Variants in GPR155 observed in about 807,000 individuals in gnomAD.
GPR155 encodes lysosomal cholesterol signaling protein.
GPR155 carries 65 observed loss-of-function variants against 93.1 expected under a neutral mutation model. The observed-to-expected ratio is 0.70, with a 90% CI of 0.57 to 0.86. The LOEUF (loss-of-function observed/expected upper bound fraction) is 0.86. Ranked by LOEUF, GPR155 falls within the 40% of genes least tolerant of loss-of-function variation. The probability of loss-of-function intolerance (pLI) is 0.00; values close to 1 mark genes in which losing one functional copy is unlikely to be tolerated. For missense variants in GPR155, 838 were observed against 1,034.8 expected (o/e 0.81, Z 2.61); for synonymous variants, 319 against 360.1 (o/e 0.89, Z 1.29).
At chr2:174,440,182 G>C in intron 14 of GPR155, 147 bp from the exon 15 acceptor site, 2 of 605,810 alleles carry the variant, frequency 3.3e-6, no homozygotes, top group South Asian at 4.4e-5. Context: ...GTTAGTCTCA[G>C]AAGCAAAAAC....
rs1022689570 is a variant in GPR155, at chr2:174,433,052, C to T, written c.*3064G>A. ...TGCTGGGATTGCAGGTATGAACCAC[C>T]GCGCCTGGCCCCCATGCAGGTTTTT... On this transcript the variant is annotated 3_prime_UTR_variant, in exon 16 of 16. Coordinates refer to ENST00000392552, the MANE Select transcript of GPR155 (RefSeq NM_152529.7). 3 of 151,296 alleles carry T rather than the reference C, an allele frequency of 2.0e-5. No individual in the cohort carries two copies. The highest frequency in any genetic ancestry group is 2.9e-5 in the Non-Finnish European group (2 of 67,920). 9.4% of individuals were successfully genotyped at this position (151,296 alleles called of 1,614,324 possible).
At position 174,453,662 on chromosome 2, in the gene GPR155, AAAAAAG is replaced by A. The variant is rs1225916892; in HGVS notation, c.1876+69_1876+74del. ...GTGACAGAGCAAGACTCCGTCTCAA[AAAAAAG>A]AAAAAAAAAAAAAAGAATAAGGAAT... is the stretch of plus-strand genomic sequence containing the variant. On this transcript the variant is annotated intron_variant, in intron 11 of 15. Transcript: ENST00000392552. 1.6e-4 allele frequency: 96 copies of A among 612,904 alleles called. 4 individuals carry two copies. Among genetic ancestry groups the A allele is most frequent in the South Asian group, 6.4e-4 (38 of 59,012 alleles). 38.0% of individuals were successfully genotyped at this position (612,904 alleles called of 1,614,324 possible).
rs757370928 is a variant in GPR155, at chr2:174,461,435, G to A, written c.1527C>T (p.Ser509=). 8 of 1,613,202 alleles carry A rather than the reference G, an allele frequency of 5.0e-6. No homozygotes were observed. In the East Asian group the frequency reaches 1.8e-4, roughly 36 times the overall value. Residue 509 remains serine, a synonymous_variant, in exon 9 of 16, where the codon AGC becomes AGT. Transcript: ENST00000392552. ...TTCCATAAAAGAAGGCTGAGTCAAT[G>A]CTATCTCCATTGTGTTTTCCAGTTA... is the stretch of plus-strand genomic sequence containing the variant. ...LLITGKHNGD[S]IDSAFFYGKE... is the part of the protein sequence containing the mutation.
At chr2:174,477,219 A>G (rs903909210) in intron 2 of GPR155, among the ~76,000 whole-genome samples, 1 of 152,032 alleles carries the variant, frequency 6.6e-6, no homozygotes, top group Non-Finnish European at 1.5e-5. Context: ...TTTATAATGT[A>G]CATAATGTTT....
rs764294547 is a variant in GPR155, at chr2:174,436,234, CT to C, written c.2494del (p.Arg832AspfsTer60). Reference sequence around the variant, plus strand: ...CTGTTCAGGACTCTTTTGAAGAAATCTGTAAAACAAGTACTCATCCCGGAAT... The same window carrying C: ...CTGTTCAGGACTCTTTTGAAGAAATCGTAAAACAAGTACTCATCCCGGAAT... ...YEFRDEYLFY[R>X]FLQKSPEQSP... On this transcript the variant is annotated frameshift_variant, in exon 16 of 16. Transcript: ENST00000392552. LOFTEE classifies it high-confidence loss of function. The C allele has an allele frequency of 6.2e-7, 1 of 1,614,016 alleles. No individual in the cohort carries two copies. Among genetic ancestry groups the C allele is most frequent in the South Asian group, 1.1e-5 (1 of 91,080 alleles).
chr2:174,471,463 C>A, intron 3 of GPR155, among the ~76,000 whole-genome samples: 3 of 55,096 alleles, frequency 5.4e-5, no homozygotes, highest in Non-Finnish European at 3.3e-5. Context: ...AGCTCTTCAT[C>A]TTTGTAAAAA....
Position 174,436,416 on chromosome 2 carries a change from C to T in GPR155, c.2313G>A (p.Arg771=). The T allele has an allele frequency of 6.2e-7, 1 of 1,613,402 alleles. No homozygotes were observed. Among genetic ancestry groups the T allele is most frequent in the Non-Finnish European group, 8.5e-7 (1 of 1,179,484 alleles). Residue 771 remains arginine (R), a splice_region_variant and synonymous_variant, in exon 16 of 16, where the codon AGG becomes AGA. Coordinates refer to ENST00000392552, the MANE Select transcript of GPR155 (RefSeq NM_152529.7). ...LCIRNIVKER[R]CGAKTSAGTF... ...TTCCAGCAGAAGTCTTTGCACCACA[C>T]CTGTGTCAAAGGAATGATTCACCCA...
intron 2 of GPR155, among the ~76,000 whole-genome samples, chr2:174,479,496 A>G (rs1394729753): frequency 1.3e-5 from 2 of 152,300 alleles, no homozygotes; most frequent in East Asian, 3.9e-4. Context: ...AAATAATTAA[A>G]TCTCTGTAAG....
At position 174,435,994 on chromosome 2, in the gene GPR155, A is replaced by T; in HGVS notation, c.*122T>A. 1 of 714,570 alleles carries T rather than the reference A, an allele frequency of 1.4e-6. No individual in the cohort carries two copies. Among genetic ancestry groups the T allele is most frequent in the Non-Finnish European group, 2.4e-6 (1 of 416,894 alleles). 44.3% of individuals were successfully genotyped at this position (714,570 alleles called of 1,614,324 possible). A position where few individuals can be genotyped will look rare whatever the true frequency, so the allele number is the denominator to read the frequency against. The stretch of plus-strand genomic sequence containing the variant: ...GTGGGAGCACATCTTTTCACATTTT[A>T]CAGAAGAGACAACTGAGGCTCAGAG... On this transcript the variant is annotated 3_prime_UTR_variant, in exon 16 of 16. Transcript: ENST00000392552.
chr2:174,475,440 A>G (rs531658503), intron 2 of GPR155, among the ~76,000 whole-genome samples: 1 of 152,092 alleles, frequency 6.6e-6, no homozygotes, highest in African/African-American at 2.4e-5. Flanking sequence ...CATTAAAGTT[A>G]TATAACTAGA....
intron 7 of GPR155, among the ~76,000 whole-genome samples, chr2:174,465,050 AC>A (rs1338013867): frequency 2.0e-5 from 3 of 152,190 alleles, no homozygotes; most frequent in African/African-American, 7.2e-5. Flanking sequence ...TTTTTCACAA[AC>A]ATACCAGAAT....
chr2:174,436,430 A>G lies in GPR155; in HGVS notation c.2313-14T>C, dbSNP rs766729978. 4 of 1,612,482 alleles carry G rather than the reference A, an allele frequency of 2.5e-6. No individual in the cohort carries two copies. Among genetic ancestry groups the G allele is most frequent in the Non-Finnish European group, 3.4e-6 (4 of 1,178,794 alleles). ...TTTGCACCACACCTGTGTCAAAGGA[A>G]TGATTCACCCATATTTTCTGTAAAT... On this transcript the variant is annotated splice_polypyrimidine_tract_variant and intron_variant, in intron 15 of 15. Transcript: ENST00000392552.
chr2:174,454,354 C>T (rs560073821), intron 10 of GPR155, among the ~76,000 whole-genome samples: 133 of 152,252 alleles, frequency 8.7e-4, no homozygotes, highest in Non-Finnish European at 1.4e-3. Context: ...CCAGGCTGGT[C>T]TAGAACTCCC....
intron 3 of GPR155, 127 bp from the exon 4 acceptor site, chr2:174,470,682 T>A: frequency 4.5e-6 from 3 of 669,558 alleles, no homozygotes; most frequent in Non-Finnish European, 7.5e-6. Context: ...CATGCACATA[T>A]TCTGTGCATG....
intron 2 of GPR155, among the ~76,000 whole-genome samples, chr2:174,475,640 T>C (rs1015094322): frequency 6.6e-6 from 1 of 152,210 alleles, no homozygotes; most frequent in Non-Finnish European, 1.5e-5. Flanking sequence ...AAATTAGATA[T>C]GCTAGTTATA....
intron 1 of GPR155, among the ~76,000 whole-genome samples, chr2:174,484,095 C>T (rs376856453): frequency 3.9e-5 from 6 of 152,186 alleles, no homozygotes; most frequent in Admixed American, 3.9e-4. Context: ...TTTCTCTGTG[C>T]TACCCTTGTA....
chr2:174,468,277 A>G (rs1204287568), intron 5 of GPR155, among the ~76,000 whole-genome samples: 3 of 152,084 alleles, frequency 2.0e-5, no homozygotes, highest in South Asian at 2.1e-4. Context: ...ACCTCCATTA[A>G]CTGTACACAT....
At chr2:174,485,378 C>T (rs1688445925) in intron 1 of GPR155, among the ~76,000 whole-genome samples, 1 of 152,114 alleles carries the variant, frequency 6.6e-6, no homozygotes, top group Non-Finnish European at 1.5e-5. Context: ...GGGCGGATCA[C>T]CTGAGGTCGG....
intron 5 of GPR155, 128 bp downstream of exon 5, chr2:174,468,784 T>C (rs1406012835): frequency 2.5e-6 from 2 of 814,994 alleles, no homozygotes; most frequent in East Asian, 2.5e-5. Context: ...GCTGACATTA[T>C]ATTTTATGGG....
Sources: gnomAD v4.1 joint callset for allele counts (sites outside exome capture counted in the v4.1 genomes callset) on GRCh38, gnomAD v4.1.1 for gene constraint, MANE v1.5 for transcripts, NCBI Gene and HGNC (gene_info 2026-07-23, HGNC 2026-07-21) for gene names.